SPOCK3: variants seen among roughly 807,000 people sequenced by gnomAD.
SPOCK3 encodes SPARC (osteonectin), cwcv and kazal like domains proteoglycan 3.
A neutral mutation model predicts 56.6 loss-of-function variants in SPOCK3; 30 were observed. The ratio of observed to expected loss-of-function variants is 0.53; its 90% CI spans 0.40 to 0.72. SPOCK3 has a LOEUF of 0.72. Among genes scored for constraint, SPOCK3 ranks in the 30% least tolerant of loss-of-function variants. The pLI, the probability that SPOCK3 is intolerant of heterozygous loss-of-function variation, is 0.00. For synonymous variants in SPOCK3, 196 were observed against 183.3 expected (o/e 1.07, Z -0.56); for missense variants, 527 against 530.0 (o/e 0.99, Z 0.06).
At chr4:166,864,802 C>G (rs60537597) in intron 6 of SPOCK3, among the ~76,000 whole-genome samples, 1 of 150,536 alleles carries the variant, frequency 6.6e-6, no homozygotes, top group African/African-American at 2.4e-5. Flanking sequence ...AGCCTACCAA[C>G]AAAAAAAAAG....
At chr4:167,067,066 T>A (rs1012869536) in intron 2 of SPOCK3, among the ~76,000 whole-genome samples, 2 of 151,836 alleles carry the variant, frequency 1.3e-5, no homozygotes, top group Non-Finnish European at 2.9e-5. Context: ...CCTCACAGAG[T>A]TTGATACAGA....
chr4:166,904,785 C>G (rs1254552246), intron 5 of SPOCK3, among the ~76,000 whole-genome samples: 3 of 151,928 alleles, frequency 2.0e-5, no homozygotes, highest in African/African-American at 7.2e-5. Flanking sequence ...TTTCTATAAC[C>G]TTTTTGAAGA....
intron 6 of SPOCK3, among the ~76,000 whole-genome samples, chr4:166,828,737 A>T (rs1295805765): frequency 6.6e-6 from 1 of 152,074 alleles, no homozygotes; most frequent in Non-Finnish European, 1.5e-5. Flanking sequence ...AAGAACAAAA[A>T]TGTCTACAGA....
intron 2 of SPOCK3, among the ~76,000 whole-genome samples, chr4:167,229,192 C>T (rs1186793308): frequency 1.3e-5 from 2 of 152,068 alleles, no homozygotes; most frequent in African/African-American, 2.4e-5. Context: ...CAGTAGTTCA[C>T]TTTATTAAAT....
intron 6 of SPOCK3, among the ~76,000 whole-genome samples, chr4:166,876,013 C>A (rs1326608172): frequency 1.3e-5 from 2 of 152,122 alleles, no homozygotes; most frequent in Admixed American, 1.3e-4. Context: ...GCACACAGAT[C>A]TGTGGCACAG....
At chr4:166,857,894 C>T (rs938554397) in intron 6 of SPOCK3, among the ~76,000 whole-genome samples, 3 of 152,266 alleles carry the variant, frequency 2.0e-5, no homozygotes, top group African/African-American at 7.2e-5. Flanking sequence ...TAATTGTATT[C>T]TCCTTTTCTA....
chr4:166,884,212 G>A (rs1733960625), intron 6 of SPOCK3, among the ~76,000 whole-genome samples: 1 of 151,940 alleles, frequency 6.6e-6, no homozygotes. Context: ...AATTAACCGG[G>A]CGTGGTGGCT....
intron 2 of SPOCK3, chr4:167,119,900 A>C (rs1761726505): frequency 7.1e-7 from 1 of 1,407,630 alleles, no homozygotes; most frequent in East Asian, 2.6e-5. Flanking sequence ...TTTCAACCAA[A>C]AAAGAAAAAA....
chr4:167,058,243 A>G (rs1401140345), intron 3 of SPOCK3, among the ~76,000 whole-genome samples: 1 of 152,196 alleles, frequency 6.6e-6, no homozygotes, highest in East Asian at 1.9e-4. Context: ...TTGTATATCT[A>G]GAAAACCCCA....
At chr4:166,753,375 T>C (rs575466994) in intron 8 of SPOCK3, among the ~76,000 whole-genome samples, 113 of 152,120 alleles carry the variant, frequency 7.4e-4, no homozygotes, top group African/African-American at 2.1e-3. Flanking sequence ...AAAGCACATA[T>C]GTAATGTAGC....
rs552279004 is a variant in SPOCK3 at position 166,763,599 on chromosome 4, T to G, written c.710-8870A>C. 4.6e-5 allele frequency among the ~76,000 whole-genome samples: 7 copies of G among 152,098 alleles called. No individual in the cohort carries two copies. In the South Asian group the frequency reaches 1.5e-3, roughly 32 times the overall value. On this transcript the variant is annotated intron_variant, in intron 7 of 10. Transcript: ENST00000357545. Reference sequence around the variant, plus strand: ...AAAACCATAACAAAGTACTGTGGAGTGTACAACATAGGTAGAATTAAATGT... The same window carrying G: ...AAAACCATAACAAAGTACTGTGGAGGGTACAACATAGGTAGAATTAAATGT...
chr4:166,826,921 T>A (rs1200562722), intron 6 of SPOCK3, among the ~76,000 whole-genome samples: 5 of 152,052 alleles, frequency 3.3e-5, no homozygotes, highest in African/African-American at 1.2e-4. Flanking sequence ...AGAGATCAGA[T>A]AAGGAATGAG....
chr4:166,763,675 C>T (rs1376852305), intron 7 of SPOCK3, among the ~76,000 whole-genome samples: 1 of 151,344 alleles, frequency 6.6e-6, no homozygotes, highest in Non-Finnish European at 1.5e-5. Flanking sequence ...GGGTAGTGTA[C>T]TCTGGTAAGT....
intron 6 of SPOCK3, among the ~76,000 whole-genome samples, chr4:166,886,560 CTT>C (rs1384670037): frequency 2.0e-5 from 3 of 151,988 alleles, no homozygotes; most frequent in African/African-American, 7.2e-5. Flanking sequence ...TAGAGAAAAA[CTT>C]TATTTATTCA....
At chr4:166,921,466 G>A (rs968297099) in intron 4 of SPOCK3, among the ~76,000 whole-genome samples, 5 of 151,950 alleles carry the variant, frequency 3.3e-5, no homozygotes, top group South Asian at 2.1e-4. Context: ...ATAGGCGCAC[G>A]CCACCACGCT....
At chr4:167,075,569 T>G (rs769303164) in intron 2 of SPOCK3, among the ~76,000 whole-genome samples, 17 of 152,020 alleles carry the variant, frequency 1.1e-4, no homozygotes, top group Non-Finnish European at 2.1e-4. Context: ...GTTAATTTGA[T>G]AGCTGGGAAA....
intron 2 of SPOCK3, among the ~76,000 whole-genome samples, chr4:167,174,795 G>T (rs1377658540): frequency 6.6e-6 from 1 of 152,146 alleles, no homozygotes; most frequent in Non-Finnish European, 1.5e-5. Flanking sequence ...TGAAAATTAT[G>T]CAAACTTAAG....
intron 4 of SPOCK3, among the ~76,000 whole-genome samples, chr4:166,953,075 T>C (rs1742891064): frequency 2.0e-5 from 3 of 151,606 alleles, no homozygotes; most frequent in South Asian, 2.1e-4. Context: ...AAAGCCAAAA[T>C]TGACAAATGG....
chr4:167,062,604 C>A lies in SPOCK3; in HGVS notation c.190-67G>T, dbSNP rs777040944. On this transcript the variant is annotated intron_variant, in intron 2 of 10. Coordinates refer to ENST00000357545, the MANE Select transcript of SPOCK3 (RefSeq NM_001040159.2). ...TAAAACGCAAGGGTTCATATAAAAT[C>A]TAAAATTAAATATGAAACACAGAAG... 3.9e-6 allele frequency: 5 copies of A among 1,275,978 alleles called. No individual in the cohort carries two copies. The Admixed American group carries it at 7.6e-5, about 19-fold the overall frequency. The allele number at this position is 1,275,978 out of a possible 1,614,324, so 79.0% of individuals were successfully genotyped here. A position where few individuals can be genotyped will look rare whatever the true frequency, so the allele number is the denominator to read the frequency against.
Sources: allele counts gnomAD v4.1 joint callset (sites outside exome capture counted in the v4.1 genomes callset), GRCh38; gene constraint gnomAD v4.1.1; transcripts MANE v1.5; gene names NCBI Gene and HGNC (gene_info 2026-07-23, HGNC 2026-07-21).